Variants in MRC1 observed in about 807,000 individuals in gnomAD.
MRC1 encodes the protein mannose receptor C-type 1, also known as macrophage mannose receptor 1.
A neutral mutation model predicts 102.9 loss-of-function variants in MRC1; 62 were observed. The ratio of observed to expected loss-of-function variants is 0.60; its 90% CI spans 0.49 to 0.74. The LOEUF (loss-of-function observed/expected upper bound fraction) is 0.74, where lower values mean the gene tolerates loss of function less well. Ranked by LOEUF, MRC1 falls within the 30% of genes least tolerant of loss-of-function variation. The pLI is 0.00. For synonymous variants in MRC1, 457 were observed against 298.4 expected (o/e 1.53, Z -5.48); for missense variants, 1,237 against 862.8 (o/e 1.43, Z -5.43).
intron 12 of MRC1, among the ~76,000 whole-genome samples, chr10:17,867,107 T>G: frequency 7.4e-6 from 1 of 136,054 alleles, no homozygotes; most frequent in African/African-American, 2.7e-5. Flanking sequence ...TTCCCTTCCT[T>G]ACCCCCTTAC....
chr10:17,864,420 C>A (rs924730577), intron 11 of MRC1, among the ~76,000 whole-genome samples: 103 of 152,244 alleles, frequency 6.8e-4, no homozygotes, highest in Non-Finnish European at 1.2e-3. Context: ...ATTGCTCATG[C>A]GGAACTCATT....
At chr10:17,888,036 C>T (rs1833624828) in intron 22 of MRC1, among the ~76,000 whole-genome samples, 1 of 152,082 alleles carries the variant, frequency 6.6e-6, no homozygotes, top group Non-Finnish European at 1.5e-5. Flanking sequence ...GAACTCCTGA[C>T]CTCGTGATAC....
chr10:17,822,574 T>C (rs909875922), intron 1 of MRC1, among the ~76,000 whole-genome samples: 1 of 152,214 alleles, frequency 6.6e-6, no homozygotes, highest in Non-Finnish European at 1.5e-5. Context: ...TGAGCCATGA[T>C]TGCACCACTG....
chr10:17,886,351 C>CCTCCCT (rs1477783561), intron 22 of MRC1, among the ~76,000 whole-genome samples: 4 of 147,448 alleles, frequency 2.7e-5, no homozygotes, highest in Non-Finnish European at 4.4e-5. Flanking sequence ...TCTTTCCCTC[C>CCTCCCT]CTCCCTCTCC....
rs1833819337 is a variant in MRC1, at chr10:17,900,824, G to C, written c.3520G>C (p.Val1174Leu). The C allele has an allele frequency of 1.3e-6, 1 of 780,696 alleles. No individual in the cohort carries two copies. Among genetic ancestry groups the C allele is most frequent in the African/African-American group, 1.7e-5 (1 of 59,136 alleles). The allele number at this position is 780,696 out of a possible 1,614,324, so 48.4% of individuals were successfully genotyped here. ...NQYTWTDKWR[V>L]RYTNWAADEP... Reference sequence around the variant, plus strand: ...ATACACTTGGACTGATAAGTGGAGGGTGAGGTACACTAACTGGGCTGCTGA... The same window carrying C: ...ATACACTTGGACTGATAAGTGGAGGCTGAGGTACACTAACTGGGCTGCTGA... The change falls in exon 25 of 30, where the codon GTG (valine) becomes CTG (leucine). Residue 1174 changes from valine (V) to leucine (L), a missense_variant. Physicochemically the swap from Val to Leu is conservative, Grantham distance 32. Transcript: ENST00000569591.
chr10:17,811,699 A>G (rs1838225610), intron 1 of MRC1, among the ~76,000 whole-genome samples: 1 of 152,112 alleles, frequency 6.6e-6, no homozygotes, highest in African/African-American at 2.4e-5. Context: ...ACTCCCCAGT[A>G]GCTGGGACTT....
At chr10:17,855,912 T>C (rs782641713) in intron 8 of MRC1, among the ~76,000 whole-genome samples, 16,652 of 152,186 alleles carry the variant, frequency 0.11, 1,086 homozygotes, top group Non-Finnish European at 0.15. Flanking sequence ...CTCATGCCTG[T>C]AATCCCAGCA....
intron 9 of MRC1, among the ~76,000 whole-genome samples, chr10:17,857,867 G>T (rs954883746): frequency 1.9e-4 from 29 of 152,216 alleles, no homozygotes; most frequent in African/African-American, 6.7e-4. Context: ...CTATCAGTGT[G>T]GGAAACCCTA....
At chr10:17,855,044 C>A (rs1833062218) in intron 8 of MRC1, among the ~76,000 whole-genome samples, 1 of 151,966 alleles carries the variant, frequency 6.6e-6, no homozygotes, top group Admixed American at 6.6e-5. Context: ...AAGGAGAGGT[C>A]CTTTTAACAT....
chr10:17,873,647 GAGAA>G, intron 15 of MRC1, 133 bp from the exon 16 acceptor site: 1 of 729,880 alleles, frequency 1.4e-6, no homozygotes, highest in Non-Finnish European at 2.6e-6. Context: ...GTGCAAATAG[GAGAA>G]AGAAAGGGAA....
chr10:17,835,778 TATTCATCAC>T (rs1838653403), intron 4 of MRC1, among the ~76,000 whole-genome samples: 1 of 152,212 alleles, frequency 6.6e-6, no homozygotes, highest in Non-Finnish European at 1.5e-5. Context: ...TGAAGTGGCT[TATTCATCAC>T]CTTGGAATTC....
chr10:17,891,527 A>C (rs1833676325), intron 22 of MRC1, among the ~76,000 whole-genome samples: 1 of 152,166 alleles, frequency 6.6e-6, no homozygotes. Flanking sequence ...TAATAAGCGT[A>C]ATGCGTTTGA....
At chr10:17,901,795 A>C (rs1232707861) in intron 25 of MRC1, among the ~76,000 whole-genome samples, 178 bp from the exon 26 acceptor site, 1 of 152,236 alleles carries the variant, frequency 6.6e-6, no homozygotes, top group Non-Finnish European at 1.5e-5. Context: ...AATATATTTA[A>C]AGTGGAAAAC....
intron 12 of MRC1, among the ~76,000 whole-genome samples, chr10:17,868,495 T>C (rs1459081202): frequency 6.6e-6 from 1 of 152,138 alleles, no homozygotes; most frequent in Non-Finnish European, 1.5e-5. Context: ...AATGTGGGGA[T>C]TACAGGTCCC....
chr10:17,873,945 T>G, intron 16 of MRC1, 120 bp downstream of exon 16: 1 of 741,316 alleles, frequency 1.3e-6, no homozygotes, highest in East Asian at 2.5e-5. Context: ...TAATAACCTT[T>G]GAGTGAGAAC....
At position 17,872,095 on chromosome 10, in the gene MRC1, C is replaced by T; in HGVS notation, c.2313C>T (p.His771=). 1.3e-6 allele frequency: 1 copy of T among 780,618 alleles called. No homozygotes were observed. The highest frequency in any genetic ancestry group is 1.3e-5 in the South Asian group (1 of 74,602). The allele number at this position is 780,618 out of a possible 1,614,324, so 48.4% of individuals were successfully genotyped here. The part of the protein sequence containing the change: ...TMSWNDINCE[H]LNNWICQIQK... ...CTTGGAATGATATTAATTGTGAACA[C>T]CTTAACAACTGGATTTGCCAGATAC... Residue 771 remains histidine (H), a synonymous_variant, in exon 15 of 30, where the codon CAC becomes CAT. Transcript: ENST00000569591.
At chr10:17,892,076 C>G (rs1833686909) in intron 22 of MRC1, among the ~76,000 whole-genome samples, 1 of 152,104 alleles carries the variant, frequency 6.6e-6, no homozygotes, top group Non-Finnish European at 1.5e-5. Context: ...GGTGAAACCG[C>G]AGTTAGTTAG....
chr10:17,829,924 T>G (rs1457657994), intron 3 of MRC1, among the ~76,000 whole-genome samples: 1 of 151,590 alleles, frequency 6.6e-6, no homozygotes, highest in Non-Finnish European at 1.5e-5. Context: ...TTTTTTAGTC[T>G]TATTACTTGT....
At chr10:17,896,088 G>T (rs1332278367) in intron 23 of MRC1, among the ~76,000 whole-genome samples, 1 of 152,148 alleles carries the variant, frequency 6.6e-6, no homozygotes, top group Non-Finnish European at 1.5e-5. Flanking sequence ...CTACACAAAA[G>T]GGTCAGAAAT....
Sources: allele counts gnomAD v4.1 joint callset (sites outside exome capture counted in the v4.1 genomes callset), GRCh38; gene constraint gnomAD v4.1.1; transcripts MANE v1.5; gene names NCBI Gene and HGNC (gene_info 2026-07-23, HGNC 2026-07-21).